The following COL4A5 variants were observed in gnomAD, a reference collection of about 807,000 sequenced individuals.
COL4A5 encodes the protein collagen alpha-5(IV) chain.
In COL4A5, 26 loss-of-function variants were observed where a neutral mutation model predicts 130.2. That is an observed-to-expected ratio of 0.20 (90% CI 0.15 to 0.28). The LOEUF (loss-of-function observed/expected upper bound fraction) is 0.28, where lower values mean the gene tolerates loss of function less well. Ranked by LOEUF, COL4A5 falls within the 10% of genes least tolerant of loss-of-function variation. COL4A5 has a pLI of 1.00. For missense variants in COL4A5, 1,131 were observed against 1,344.3 expected (o/e 0.84, Z 2.48); for synonymous variants, 496 against 439.6 (o/e 1.13, Z -1.60).
intron 2 of COL4A5, among the ~76,000 whole-genome samples, chrX:108,540,123 C>T (rs1410885436): frequency 9.0e-6 from 1 of 111,373 alleles, no homozygotes; most frequent in African/African-American, 3.3e-5. Context: ...AGAACATGAG[C>T]CTCTTGGGAT....
At chrX:108,482,919 G>T (rs752395162) in intron 1 of COL4A5, among the ~76,000 whole-genome samples, 3 of 111,503 alleles carry the variant, frequency 2.7e-5, no homozygotes, top group Non-Finnish European at 5.6e-5. Context: ...AATGTATTAT[G>T]CATAGAGTCA....
chrX:108,639,817 C>G (rs2067425890), intron 36 of COL4A5, among the ~76,000 whole-genome samples: 1 of 111,817 alleles, frequency 8.9e-6, no homozygotes, highest in African/African-American at 3.2e-5. Context: ...TAGGGAAATG[C>G]AGTCAATTCT....
chrX:108,610,942 G>A (rs925503123), intron 29 of COL4A5, among the ~76,000 whole-genome samples: 1 of 111,417 alleles, frequency 9.0e-6, no homozygotes, highest in Admixed American at 9.6e-5. Context: ...GCTCTCTACT[G>A]TGAGAAAATC....
In COL4A5 at chrX:108,559,127, G is replaced by C. The variant is rs776454345; in HGVS notation, c.205G>C (p.Gly69Arg). The C allele has an allele frequency of 1.7e-6, 2 of 1,208,322 alleles. No individual in the cohort carries two copies. The highest frequency in any genetic ancestry group is 2.2e-6 in the Non-Finnish European group (2 of 892,699). The change falls in exon 3 of 53, where the codon GGG becomes CGG. Residue 69 changes from glycine to arginine, a missense_variant. Physicochemically the swap from Gly to Arg is moderately radical, Grantham distance 125 (BLOSUM62 -2). Coordinates refer to ENST00000328300, the MANE Select transcript of COL4A5 (RefSeq NM_033380.3). ...ATTGCCTGGATTTCCAGGTCCAGAA[G>C]GGCCTCCGGGGCCTCGGGGACAAAA... is the stretch of plus-strand genomic sequence containing the variant. ...PGLPGFPGPE[G>R]PPGPRGQKGD...
At chrX:108,588,626 T>G (rs1358147422) in intron 19 of COL4A5, among the ~76,000 whole-genome samples, 1 of 110,823 alleles carries the variant, frequency 9.0e-6, no homozygotes, top group East Asian at 2.8e-4. Flanking sequence ...AACTTCCATC[T>G]ATTAAAAAAC....
intron 36 of COL4A5, among the ~76,000 whole-genome samples, chrX:108,646,746 T>A (rs2067598770): frequency 8.9e-6 from 1 of 112,121 alleles, no homozygotes; most frequent in Non-Finnish European, 1.9e-5. Flanking sequence ...CCATCTTGAA[T>A]TAATTTTTGT....
chrX:108,659,951 G>C (rs921824399), intron 37 of COL4A5, among the ~76,000 whole-genome samples: 9 of 110,451 alleles, frequency 8.1e-5, no homozygotes, highest in Non-Finnish European at 1.7e-4. Context: ...CTTTGTCCCT[G>C]GTTTCCTGTT....
chrX:108,671,295 C>T lies in COL4A5; in HGVS notation c.3799+1059C>T, dbSNP rs753776807. Reference sequence around the variant, plus strand: ...AAGAATCAAAAGAGGTAATAGTATACCCCATGATATCTGGCTGTTGAGAAT... The same window carrying T: ...AAGAATCAAAAGAGGTAATAGTATATCCCATGATATCTGGCTGTTGAGAAT... On this transcript the variant is annotated intron_variant, in intron 42 of 52. Transcript: ENST00000328300. Among the ~76,000 whole-genome samples, 4 of 111,748 alleles carry T rather than the reference C, an allele frequency of 3.6e-5. No individual in the cohort carries two copies. The East Asian group carries it at 8.4e-4, about 23-fold the overall frequency.
At chrX:108,460,330 A>G (rs1449823962) in intron 1 of COL4A5, among the ~76,000 whole-genome samples, 1 of 111,689 alleles carries the variant, frequency 9.0e-6, no homozygotes. Context: ...GGGTATGTTA[A>G]AGCTTTTCAA....
chrX:108,461,214 C>A (rs989032524), intron 1 of COL4A5, among the ~76,000 whole-genome samples: 1 of 111,699 alleles, frequency 9.0e-6, no homozygotes, highest in Non-Finnish European at 1.9e-5. Context: ...AGATTGACAA[C>A]CTTTATACTA....
chrX:108,544,232 G>A (rs1265080285), intron 2 of COL4A5, among the ~76,000 whole-genome samples: 8 of 111,901 alleles, frequency 7.1e-5, no homozygotes, highest in South Asian at 3.7e-4. Flanking sequence ...TCAGTATGAT[G>A]TTGGCTGTGG....
At chrX:108,683,698 C>G (rs1425063273) in intron 47 of COL4A5, among the ~76,000 whole-genome samples, 3 of 111,344 alleles carry the variant, frequency 2.7e-5, no homozygotes, top group African/African-American at 9.8e-5. Flanking sequence ...CTCTGTTTGT[C>G]TATTATTGGT....
At chrX:108,444,029 T>C (rs1171498737) in intron 1 of COL4A5, among the ~76,000 whole-genome samples, 3 of 111,582 alleles carry the variant, frequency 2.7e-5, no homozygotes, top group African/African-American at 9.8e-5. Flanking sequence ...CAGTATGGAC[T>C]TAATGAATAT....
intron 36 of COL4A5, among the ~76,000 whole-genome samples, chrX:108,630,111 T>C (rs1297893870): frequency 8.9e-6 from 1 of 112,071 alleles, no homozygotes; most frequent in Non-Finnish European, 1.9e-5. Context: ...AGTGCCACAA[T>C]AAATATACAT....
At chrX:108,477,272 C>A (rs1053361639) in intron 1 of COL4A5, among the ~76,000 whole-genome samples, 1 of 111,598 alleles carries the variant, frequency 9.0e-6, no homozygotes, top group African/African-American at 3.3e-5. Flanking sequence ...CCATACACAT[C>A]TCCTGGGATC....
intron 40 of COL4A5, 102 bp from the exon 41 acceptor site, chrX:108,668,217 T>A: frequency 1.3e-6 from 1 of 797,762 alleles, no homozygotes. Flanking sequence ...AAATGACTCT[T>A]GTGAATTCCA....
intron 1 of COL4A5, among the ~76,000 whole-genome samples, chrX:108,487,234 T>C (rs770837924): frequency 2.7e-5 from 3 of 110,077 alleles, no homozygotes; most frequent in South Asian, 7.9e-4. Flanking sequence ...CTACTAAAAA[T>C]ACAAAATTAG....
intron 1 of COL4A5, among the ~76,000 whole-genome samples, chrX:108,538,323 A>T (rs1450487362): frequency 1.8e-5 from 2 of 112,088 alleles, no homozygotes; most frequent in South Asian, 7.3e-4. Context: ...ACCCCCAAAC[A>T]TCTATGAATA....
At chrX:108,678,216 A>G (rs2068347391) in intron 44 of COL4A5, among the ~76,000 whole-genome samples, 2 of 111,917 alleles carry the variant, frequency 1.8e-5, no homozygotes, top group South Asian at 3.7e-4. Context: ...TTCGGTCAAG[A>G]TGATTGCTGG....
Sources: gnomAD v4.1 joint callset for allele counts (sites outside exome capture counted in the v4.1 genomes callset) on GRCh38, gnomAD v4.1.1 for gene constraint, MANE v1.5 for transcripts, NCBI Gene and HGNC (gene_info 2026-07-23, HGNC 2026-07-21) for gene names.